PYY: variants seen among roughly 807,000 people sequenced by gnomAD.
PYY encodes the protein peptide tyrosine tyrosine.
Under a neutral mutation model 10.3 loss-of-function variants are expected in PYY, and 12 were observed. The observed-to-expected ratio is 1.17, with a 90% CI of 0.75 to 1.89. The LOEUF is 1.89. PYY is among the 40% of genes most tolerant of loss of function. The pLI, the probability that PYY is intolerant of heterozygous loss-of-function variation, is 0.00. For synonymous variants in PYY, 66 were observed against 62.0 expected (o/e 1.06, Z -0.30); for missense variants, 141 against 134.0 (o/e 1.05, Z -0.26).
chr17:43,997,749 G>A (rs1286318785), intron 1 of PYY, among the ~76,000 whole-genome samples: 1 of 151,954 alleles, frequency 6.6e-6, no homozygotes, highest in Non-Finnish European at 1.5e-5. Flanking sequence ...TTACGAATGC[G>A]GCTTCGACCC....
At chr17:43,988,234 A>G (rs543064982) in intron 1 of PYY, among the ~76,000 whole-genome samples, 3 of 152,346 alleles carry the variant, frequency 2.0e-5, no homozygotes, top group Non-Finnish European at 2.9e-5. Context: ...CAGGTAGATT[A>G]AAGAGTTAAA....
chr17:43,969,346 TCTCTAC>T (rs2048774321), intron 1 of PYY, among the ~76,000 whole-genome samples: 1 of 151,666 alleles, frequency 6.6e-6, no homozygotes, highest in Non-Finnish European at 1.5e-5. Context: ...TGAAACCCTG[TCTCTAC>T]TAAAAATACA....
chr17:43,991,991 G>A (rs9914300), intron 1 of PYY, among the ~76,000 whole-genome samples: 2,011 of 151,694 alleles, frequency 0.013, 49 homozygotes, highest in African/African-American at 0.047. Flanking sequence ...GCGTGGTGGC[G>A]GGCGCCTGTA....
chr17:43,990,088 G>A lies in PYY; in HGVS notation c.-463+14303C>T, dbSNP rs190577856. Among the ~76,000 whole-genome samples, 257 of 151,324 alleles carry A rather than the reference G, an allele frequency of 1.7e-3. 1 individual carries two copies. The highest frequency in any genetic ancestry group is 5.8e-3 in the African/African-American group (240 of 41,208). ...ACAGATGGCAAGAATACAGGAAAAC[G>A]GGCACACTGGCTGGCTCGTGGCTGG... On this transcript the variant is annotated intron_variant, in intron 1 of 6. Transcript: ENST00000360085.
At chr17:43,981,498 T>C (rs1469038809) in intron 1 of PYY, among the ~76,000 whole-genome samples, 1 of 152,046 alleles carries the variant, frequency 6.6e-6, no homozygotes, top group East Asian at 1.9e-4. Flanking sequence ...GTTTTGTTTG[T>C]TTGTTTTTTT....
chr17:43,972,470 C>T (rs2048801291), intron 1 of PYY, among the ~76,000 whole-genome samples: 1 of 152,054 alleles, frequency 6.6e-6, no homozygotes, highest in Non-Finnish European at 1.5e-5. Context: ...CCTGCCTCAG[C>T]CTCCCAAAGC....
chr17:44,002,533 G>A (rs994492846), intron 1 of PYY, among the ~76,000 whole-genome samples: 1 of 152,214 alleles, frequency 6.6e-6, no homozygotes, highest in Non-Finnish European at 1.5e-5. Flanking sequence ...GGATCAGAGT[G>A]TACCCAAGGG....
intron 2 of PYY, among the ~76,000 whole-genome samples, chr17:43,965,856 T>C (rs1488476210): frequency 6.7e-6 from 1 of 149,452 alleles, no homozygotes; most frequent in Non-Finnish European, 1.5e-5. Context: ...TTTCTAGCCA[T>C]TGTAAGTACA....
chr17:43,976,223 A>G (rs1226099480), intron 1 of PYY, among the ~76,000 whole-genome samples: 1 of 142,830 alleles, frequency 7.0e-6, no homozygotes, highest in Non-Finnish European at 1.5e-5. Context: ...ATATGTATAC[A>G]TATATACATA....
At chr17:43,998,461 G>A (rs1170949221) in intron 1 of PYY, among the ~76,000 whole-genome samples, 2 of 152,242 alleles carry the variant, frequency 1.3e-5, no homozygotes, top group Admixed American at 6.5e-5. Context: ...GGGAGGTTGA[G>A]GCAGGAAAAT....
intron 1 of PYY, among the ~76,000 whole-genome samples, chr17:43,995,170 C>T (rs2048983033): frequency 6.6e-6 from 1 of 152,214 alleles, no homozygotes; most frequent in African/African-American, 2.4e-5. Context: ...ATTTTGGCGG[C>T]TGGACCTGCG....
At chr17:43,975,551 AAAAATAAAAT>A (rs778460805) in intron 1 of PYY, among the ~76,000 whole-genome samples, 1 of 151,678 alleles carries the variant, frequency 6.6e-6, no homozygotes, top group Non-Finnish European at 1.5e-5. Context: ...TACTAAAAAT[AAAAATAAAAT>A]AAAATAAAAT....
intron 2 of PYY, among the ~76,000 whole-genome samples, chr17:43,960,931 G>T (rs1338089377): frequency 6.6e-6 from 1 of 151,492 alleles, no homozygotes; most frequent in Non-Finnish European, 1.5e-5. Context: ...TAAGAGTTTG[G>T]TATGGTAGAG....
At chr17:43,957,854 G>T (rs1050737985), upstream of PYY, 1 of 154,524 alleles carries the variant, frequency 6.5e-6, no homozygotes, top group African/African-American at 2.4e-5. Context: ...AGAGCAGGGG[G>T]TGGGTTTAGG....
At chr17:43,960,900 C>T (rs2048708362) in intron 2 of PYY, among the ~76,000 whole-genome samples, 1 of 151,122 alleles carries the variant, frequency 6.6e-6, no homozygotes, top group Admixed American at 6.6e-5. Flanking sequence ...TCCAGGCCAC[C>T]GGGATGAGAA....
At chr17:44,000,213 G>T (rs566884075) in intron 1 of PYY, among the ~76,000 whole-genome samples, 2 of 152,130 alleles carry the variant, frequency 1.3e-5, no homozygotes, top group African/African-American at 2.4e-5. Flanking sequence ...GAGACCAGGC[G>T]TCGAGGTTGT....
chr17:43,961,273 G>A (rs990272134), intron 2 of PYY, among the ~76,000 whole-genome samples: 1 of 151,936 alleles, frequency 6.6e-6, no homozygotes, highest in Non-Finnish European at 1.5e-5. Context: ...TCGGGGAGGA[G>A]GGAAAGTATC....
rs1597845293 is a variant in PYY at position 43,963,381 on chromosome 17, A to G, written c.-218+2907T>C. On this transcript the variant is annotated intron_variant, in intron 2 of 6. Transcript: ENST00000360085. ...AAATTATCCAGGCGTGGTAGCACAC[A>G]CCTGTAATCCCAGCTACTCAGGAGG... 2.6e-5 allele frequency among the ~76,000 whole-genome samples: 4 copies of G among 151,476 alleles called. No homozygotes were observed. In the South Asian group the frequency reaches 6.3e-4, roughly 24 times the overall value.
chr17:43,984,055 G>A (rs535024028), intron 1 of PYY, among the ~76,000 whole-genome samples: 139 of 152,334 alleles, frequency 9.1e-4, no homozygotes, highest in African/African-American at 3.3e-3. Context: ...GCCGCCGGAG[G>A]CCCTTATCGC....
Sources: gnomAD v4.1 joint callset for allele counts (sites outside exome capture counted in the v4.1 genomes callset) on GRCh38, gnomAD v4.1.1 for gene constraint, MANE v1.5 for transcripts, NCBI Gene and HGNC (gene_info 2026-07-23, HGNC 2026-07-21) for gene names.